Variants in IQCK observed in about 807,000 individuals in gnomAD.
IQCK encodes IQ domain-containing protein K.
In IQCK, 29 loss-of-function variants were observed where a neutral mutation model predicts 28.1. The observed-to-expected ratio is 1.03, with a 90% confidence interval of 0.77 to 1.41. The LOEUF (loss-of-function observed/expected upper bound fraction) is 1.41, where lower values mean the gene tolerates loss of function less well. Ranked by LOEUF, IQCK falls within the 40% of genes most tolerant of loss-of-function variation. IQCK has a pLI of 0.00. For synonymous variants in IQCK, 113 were observed against 115.1 expected (o/e 0.98, Z 0.12); for missense variants, 359 against 314.7 (o/e 1.14, Z -1.07).
downstream of IQCK, among the ~76,000 whole-genome samples, chr16:19,831,416 C>A (rs1044644998): frequency 2.0e-5 from 3 of 152,138 alleles, no homozygotes; most frequent in Admixed American, 1.3e-4. Context: ...TAACTGTCGC[C>A]GAGTTGAATC....
At chr16:19,733,887 G>C in intron 3 of IQCK, 60 bp downstream of exon 3, 1 of 1,587,738 alleles carries the variant, frequency 6.3e-7, no homozygotes, top group Non-Finnish European at 8.6e-7. Context: ...AGAACCACAG[G>C]GTGGGTATGG....
At chr16:19,806,438 C>T (rs1305520626) in intron 7 of IQCK, among the ~76,000 whole-genome samples, 1 of 151,956 alleles carries the variant, frequency 6.6e-6, no homozygotes, top group East Asian at 1.9e-4. Flanking sequence ...GTAATTTCAG[C>T]ACTTTGGGAG....
chr16:19,722,107 C>A (rs775365999), intron 1 of IQCK, among the ~76,000 whole-genome samples: 1 of 152,086 alleles, frequency 6.6e-6, no homozygotes, highest in Admixed American at 6.5e-5. Flanking sequence ...AACTGGCTCT[C>A]AGCACTGCTC....
chr16:19,827,163 AGT>A lies in IQCK; in HGVS notation c.829_830del (p.Val277SerfsTer?), dbSNP rs1375273739. ...GTAAGTTGCTGGATTCACTGTCCTTAGTTCATTCAAGAAAAGCCTGATTCTTA... is the reference window on the plus strand; with the variant it reads ...GTAAGTTGCTGGATTCACTGTCCTTATCATTCAAGAAAAGCCTGATTCTTA... On this transcript the variant is annotated frameshift_variant, in exon 8 of 8. Coordinates refer to ENST00000564186, the Ensembl canonical transcript of IQCK. LOFTEE classifies it high-confidence loss of function. The A allele has an allele frequency of 8.2e-6, 12 of 1,466,684 alleles. No homozygotes were observed. In the East Asian group the frequency reaches 2.7e-4, roughly 33 times the overall value. 90.9% of individuals were successfully genotyped at this position (1,466,684 alleles called of 1,614,324 possible).
chr16:19,774,398 C>CTTTTTTTTTT (rs1167894201), intron 6 of IQCK, among the ~76,000 whole-genome samples: 4 of 104,100 alleles, frequency 3.8e-5, no homozygotes, highest in African/African-American at 1.1e-4. Context: ...TTAGCTAATA[C>CTTTTTTTTTT]TTTTTTTTTT....
At chr16:19,780,074 G>A (rs1276339351) in intron 6 of IQCK, among the ~76,000 whole-genome samples, 2 of 142,842 alleles carry the variant, frequency 1.4e-5, no homozygotes, top group South Asian at 2.2e-4. Flanking sequence ...ATGGAGTCTC[G>A]CTCTGTCATC....
chr16:19,807,598 A>C (rs899586682), intron 7 of IQCK, among the ~76,000 whole-genome samples: 2 of 152,136 alleles, frequency 1.3e-5, no homozygotes, highest in African/African-American at 2.4e-5. Flanking sequence ...GCATCTTTAC[A>C]TGGTTCCCAG....
chr16:19,820,717 T>C (rs1014202018), intron 7 of IQCK, among the ~76,000 whole-genome samples: 3 of 151,736 alleles, frequency 2.0e-5, no homozygotes, highest in African/African-American at 7.3e-5. Flanking sequence ...AAGTACACTA[T>C]TAAGAGAGTG....
chr16:19,852,857 C>T (rs1458541683), intron 9 of IQCK, among the ~76,000 whole-genome samples: 1 of 152,088 alleles, frequency 6.6e-6, no homozygotes. Context: ...CTCCTGATCT[C>T]GTGATCTGCC....
chr16:19,827,154 A>G lies in IQCK; in HGVS notation c.819A>G (p.Ser273=). 6.6e-7 allele frequency: 1 copy of G among 1,523,036 alleles called. No individual in the cohort carries two copies. Among genetic ancestry groups the G allele is most frequent in the Non-Finnish European group, 9.1e-7 (1 of 1,096,854 alleles). 94.3% of individuals were successfully genotyped at this position (1,523,036 alleles called of 1,614,324 possible). A position where few individuals can be genotyped will look rare whatever the true frequency, so the allele number is the denominator to read the frequency against. Reference sequence around the variant, plus strand: ...AACAAAAAGGTAAGTTGCTGGATTCACTGTCCTTAGTTCATTCAAGAAAAG... The same window carrying G: ...AACAAAAAGGTAAGTTGCTGGATTCGCTGTCCTTAGTTCATTCAAGAAAAG... Residue 273 remains serine, a synonymous_variant, in exon 8 of 8, where the codon TCA becomes TCG. Transcript: ENST00000564186.
chr16:19,721,969 C>A (rs1347018604), intron 1 of IQCK, among the ~76,000 whole-genome samples: 1 of 152,146 alleles, frequency 6.6e-6, no homozygotes, highest in Non-Finnish European at 1.5e-5. Flanking sequence ...ACTCTCTGGC[C>A]TCAGCCCTCA....
intron 4 of IQCK, among the ~76,000 whole-genome samples, chr16:19,747,835 G>T (rs2151696168): frequency 6.6e-6 from 1 of 152,204 alleles, no homozygotes; most frequent in South Asian, 2.1e-4. Context: ...CCCTTTTATA[G>T]ATTCCAATTC....
chr16:19,857,646 C>A (rs1468825814), exon 10 of IQCK: 1 of 282,546 alleles, frequency 3.5e-6, no homozygotes, highest in African/African-American at 2.3e-5. Context: ...TGCTCCCTTT[C>A]AACTTGGGGT....
chr16:19,757,029 T>C (rs993777971), intron 4 of IQCK, among the ~76,000 whole-genome samples: 39 of 152,268 alleles, frequency 2.6e-4, no homozygotes, highest in African/African-American at 9.4e-4. Context: ...TCTAGAATTG[T>C]GAGAGACAAA....
chr16:19,731,316 G>A (rs1234552799), intron 2 of IQCK, among the ~76,000 whole-genome samples: 1 of 152,154 alleles, frequency 6.6e-6, no homozygotes, highest in Non-Finnish European at 1.5e-5. Flanking sequence ...TAAAAAGCAA[G>A]GCTCTGAGAG....
At chr16:19,730,913 G>A (rs1567534108) in intron 2 of IQCK, among the ~76,000 whole-genome samples, 1 of 152,016 alleles carries the variant, frequency 6.6e-6, no homozygotes, top group Non-Finnish European at 1.5e-5. Context: ...TTGTCGAGAC[G>A]GGGTTTCACC....
chr16:19,734,811 G>A (rs1479727010), intron 3 of IQCK, among the ~76,000 whole-genome samples: 2 of 151,070 alleles, frequency 1.3e-5, no homozygotes, highest in Non-Finnish European at 3.0e-5. Flanking sequence ...AAAAGTAGAA[G>A]AAAACATCAT....
At chr16:19,764,871 T>G (rs2055206063) in intron 6 of IQCK, among the ~76,000 whole-genome samples, 2 of 148,918 alleles carry the variant, frequency 1.3e-5, no homozygotes, top group Admixed American at 6.6e-5. Context: ...TTTTTTTTTT[T>G]TGTATTTTTA....
intron 6 of IQCK, among the ~76,000 whole-genome samples, chr16:19,772,610 T>C (rs1158525616): frequency 1.3e-5 from 2 of 152,188 alleles, no homozygotes; most frequent in Non-Finnish European, 2.9e-5. Context: ...TTCACTGACA[T>C]GGAGAACAGT....
Sources: allele counts gnomAD v4.1 joint callset (sites outside exome capture counted in the v4.1 genomes callset), GRCh38; gene constraint gnomAD v4.1.1; transcripts MANE v1.5; gene names NCBI Gene and HGNC (gene_info 2026-07-23, HGNC 2026-07-21).